The following RAB3GAP1 variants were observed in gnomAD, a reference collection of about 807,000 sequenced individuals.
RAB3GAP1 encodes the protein rab3 GTPase-activating protein catalytic subunit.
A neutral mutation model predicts 130.7 loss-of-function variants in RAB3GAP1; 86 were observed. That is an observed-to-expected ratio of 0.66 (90% CI 0.55 to 0.79). RAB3GAP1 has a LOEUF of 0.79. Ranked by LOEUF, RAB3GAP1 falls within the 30% of genes least tolerant of loss-of-function variation. The probability of loss-of-function intolerance (pLI) is 0.00; values close to 1 mark genes in which losing one functional copy is unlikely to be tolerated. For synonymous variants in RAB3GAP1, 367 were observed against 401.7 expected, an observed-to-expected ratio of 0.91 and a Z score of 1.03; for missense variants, 1,029 against 1,169.4, an observed-to-expected ratio of 0.88 and a Z score of 1.75.
chr2:135,141,460 G>A (rs746490416), intron 17 of RAB3GAP1, among the ~76,000 whole-genome samples: 12 of 151,920 alleles, frequency 7.9e-5, no homozygotes, highest in Non-Finnish European at 1.5e-4. Context: ...TCCTGACCTC[G>A]TGATCTGCCT....
intron 19 of RAB3GAP1, among the ~76,000 whole-genome samples, chr2:135,157,934 T>C (rs1692361024): frequency 6.6e-6 from 1 of 151,914 alleles, no homozygotes. Context: ...CTTTTAGATG[T>C]ATTATTGGTT....
chr2:135,057,867 A>G (rs1689058117), intron 2 of RAB3GAP1, 144 bp from the exon 3 acceptor site: 1 of 660,826 alleles, frequency 1.5e-6, no homozygotes, highest in Non-Finnish European at 2.7e-6. Context: ...CCCCATATCC[A>G]TAAATTAAGC....
Position 135,153,790 on chromosome 2 carries a change from A to G in RAB3GAP1, c.2203A>G (p.Met735Val). Reference sequence around the variant, plus strand: ...TGCCCGGATGAAGATTCCAAGCAATATGTGGGTAGAAGCCTGGGAAACAGC... The same window carrying G: ...TGCCCGGATGAAGATTCCAAGCAATGTGTGGGTAGAAGCCTGGGAAACAGC... ...LSARMKIPSN[M>V]WVEAWETAKP... is the part of the protein sequence containing the mutation. The change falls in exon 19 of 24, where the codon ATG (methionine) becomes GTG (valine). Residue 735 changes from methionine (M) to valine (V), a missense_variant. Physicochemically the swap from Met to Val is conservative, Grantham distance 21. Around this residue, in one of 3 missense-constraint regions of RAB3GAP1, gnomAD observed 373 missense variants for 493.6 expected, o/e 0.76. Transcript: ENST00000264158. The G allele has an allele frequency of 6.2e-7, 1 of 1,614,086 alleles. No homozygotes were observed. The highest frequency in any genetic ancestry group is 8.5e-7 in the Non-Finnish European group (1 of 1,179,930).
intron 7 of RAB3GAP1, among the ~76,000 whole-genome samples, chr2:135,117,450 T>G (rs866313692): frequency 9.3e-4 from 82 of 88,184 alleles, no homozygotes; most frequent in Admixed American, 1.9e-3. Context: ...TTCTTCTTCT[T>G]CTTCTGCTTC....
rs1222515738 is a variant in RAB3GAP1, at chr2:135,127,122, G to T, written c.973+466G>T. ...GATCTCCTGACCTCGTGATCCGCCC[G>T]CCTCGGCCTCCCAAAGTGCTGAGAT... On this transcript the variant is annotated intron_variant, in intron 11 of 23. Transcript: ENST00000264158. Among the ~76,000 whole-genome samples the T allele has an allele frequency of 2.0e-5, 3 of 150,986 alleles. No individual in the cohort carries two copies. The East Asian group carries it at 5.9e-4, about 30-fold the overall frequency.
intron 18 of RAB3GAP1, among the ~76,000 whole-genome samples, chr2:135,150,958 C>T (rs935886023): frequency 1.3e-5 from 2 of 152,144 alleles, no homozygotes; most frequent in East Asian, 3.8e-4. Flanking sequence ...ATGTAAGGAA[C>T]TGTCATGAGT....
Position 135,135,564 on chromosome 2 carries a change from A to C in RAB3GAP1, c.1555A>C (p.Met519Leu). The change falls in exon 17 of 24, where the codon ATG becomes CTG. Residue 519 changes from methionine to leucine, a missense_variant and splice_region_variant. Physicochemically the swap from Met to Leu is conservative, Grantham distance 15. Coordinates refer to ENST00000264158, the MANE Select transcript of RAB3GAP1 (RefSeq NM_012233.3). ...RCCLLHQKLQ[M>L]LNCCIERKKA... ...TAAATGTTATTTCTCTTTTCTTAAG[A>C]TGTTAAATTGTTGTATTGAAAGAAA... The C allele has an allele frequency of 1.3e-6, 2 of 1,595,040 alleles. No individual in the cohort carries two copies. The highest frequency in any genetic ancestry group is 1.7e-6 in the Non-Finnish European group (2 of 1,167,992).
chr2:135,149,802 C>T (rs752641347), intron 17 of RAB3GAP1, among the ~76,000 whole-genome samples: 66 of 152,098 alleles, frequency 4.3e-4, no homozygotes, highest in Non-Finnish European at 4.1e-4. Context: ...TACAGGTGCC[C>T]ACCACCATGC....
intron 17 of RAB3GAP1, among the ~76,000 whole-genome samples, chr2:135,144,735 A>G (rs1691948013): frequency 6.6e-6 from 1 of 152,180 alleles, no homozygotes; most frequent in Non-Finnish European, 1.5e-5. Flanking sequence ...TCCATTTGCC[A>G]TTTGTGTTTT....
chr2:135,052,638 A>G (rs1299366818), intron 2 of RAB3GAP1, among the ~76,000 whole-genome samples, 153 bp downstream of exon 2: 1 of 151,972 alleles, frequency 6.6e-6, no homozygotes, highest in Non-Finnish European at 1.5e-5. Flanking sequence ...TCTTTGGTCA[A>G]CCGCAAGCCT....
chr2:135,119,493 T>A (rs926248202), intron 7 of RAB3GAP1, among the ~76,000 whole-genome samples: 5 of 152,248 alleles, frequency 3.3e-5, no homozygotes, highest in Non-Finnish European at 7.3e-5. Context: ...GGCCTTGTTA[T>A]GGCTTCTAGA....
Position 135,135,803 on chromosome 2 carries a change from T to C in RAB3GAP1, c.1794T>C (p.Asn598=), listed in dbSNP as rs771550920. 4 of 1,613,968 alleles carry C rather than the reference T, an allele frequency of 2.5e-6. No homozygotes were observed. Among genetic ancestry groups the C allele is most frequent in the Non-Finnish European group, 3.4e-6 (4 of 1,179,988 alleles). ...CLSDTEELKG[N]GQESGKKGGP... ...GTGATACTGAAGAACTTAAAGGAAA[T>C]GGACAAGAGAGTGGCAAGAAAGGAG... The change falls in exon 17 of 24, where the codon AAT becomes AAC. Residue 598 remains asparagine, a synonymous_variant. Transcript: ENST00000264158.
intron 19 of RAB3GAP1, among the ~76,000 whole-genome samples, chr2:135,154,092 A>G (rs978673428): frequency 1.3e-5 from 2 of 152,218 alleles, no homozygotes; most frequent in Admixed American, 6.5e-5. Flanking sequence ...CAGACTGCTT[A>G]CCATTGAACT....
In RAB3GAP1 at chr2:135,120,927, AT is replaced by A; in HGVS notation, c.748+12del. 1 of 1,521,298 alleles carries A rather than the reference AT, an allele frequency of 6.6e-7. No homozygotes were observed. The highest frequency in any genetic ancestry group is 9.1e-7 in the Non-Finnish European group (1 of 1,095,632). 94.2% of individuals were successfully genotyped at this position (1,521,298 alleles called of 1,614,324 possible). On this transcript the variant is annotated intron_variant, in intron 8 of 23. Transcript: ENST00000264158. ...GCCTCAGCAACCTCCAGGTGAGATCATTTAGAACTATATTTAACTTACTGAA... is the reference window on the plus strand; with the variant it reads ...GCCTCAGCAACCTCCAGGTGAGATCATTAGAACTATATTTAACTTACTGAA...
At chr2:135,174,260 GGTGGC>G (rs535506510), downstream of RAB3GAP1, among the ~76,000 whole-genome samples, 12 of 109,646 alleles carry the variant, frequency 1.1e-4, no homozygotes, top group East Asian at 3.0e-3. Context: ...ATCCGGAGAG[GGTGGC>G]GACATGGCCC....
At chr2:135,101,354 A>G (rs1254524781) in intron 5 of RAB3GAP1, among the ~76,000 whole-genome samples, 1 of 152,224 alleles carries the variant, frequency 6.6e-6, no homozygotes, top group Non-Finnish European at 1.5e-5. Flanking sequence ...TTAAACCAGA[A>G]TTAAAGCAAT....
chr2:135,129,068 C>A (rs1691441109), intron 11 of RAB3GAP1, among the ~76,000 whole-genome samples: 1 of 152,142 alleles, frequency 6.6e-6, no homozygotes, highest in Non-Finnish European at 1.5e-5. Flanking sequence ...GGGAGGATCA[C>A]CTGAGCCTAG....
At chr2:135,173,782 T>C (rs915944776), downstream of RAB3GAP1, among the ~76,000 whole-genome samples, 2 of 152,188 alleles carry the variant, frequency 1.3e-5, no homozygotes, top group African/African-American at 4.8e-5. Flanking sequence ...GTGGCCCGTC[T>C]ACTGTCCTGG....
chr2:135,134,018 A>C lies in RAB3GAP1; in HGVS notation c.1484A>C (p.Asn495Thr). 3 of 1,613,866 alleles carry C rather than the reference A, an allele frequency of 1.9e-6. No homozygotes were observed. Among genetic ancestry groups the C allele is most frequent in the Non-Finnish European group, 2.5e-6 (3 of 1,179,790 alleles). Residue 495 changes from asparagine (N) to threonine (T), a missense_variant, in exon 15 of 24, where the codon AAC becomes ACC. Physicochemically the swap from Asn to Thr is moderately conservative, Grantham distance 65 (BLOSUM62 0). Coordinates refer to ENST00000264158, the MANE Select transcript of RAB3GAP1 (RefSeq NM_012233.3). ...VLEMRFRWENNFLIPGLASGP... is the reference protein window; with the variant it reads ...VLEMRFRWENTFLIPGLASGP... ...GAAATGCGTTTCCGATGGGAAAACA[A>C]CTTTCTGATTCCAGGGTAATAATTT...
Sources: gnomAD v4.1 joint callset for allele counts (sites outside exome capture counted in the v4.1 genomes callset) on GRCh38, gnomAD v4.1.1 for gene constraint, gnomAD v4.1.1 regional missense constraint, MANE v1.5 for transcripts, NCBI Gene and HGNC (gene_info 2026-07-23, HGNC 2026-07-21) for gene names.